The following NALF1 variants were observed in gnomAD, a reference collection of about 807,000 sequenced individuals.
NALF1 encodes family with sequence similarity 155 member A.
In NALF1, 3 loss-of-function variants were observed where a neutral mutation model predicts 48.4. The ratio of observed to expected loss-of-function variants is 0.06; its 90% confidence interval spans 0.03 to 0.16. NALF1 has a LOEUF of 0.16. Among genes scored for constraint, NALF1 ranks in the 10% least tolerant of loss-of-function variants. NALF1 has a pLI of 1.00. For missense variants in NALF1, 526 were observed against 571.5 expected (o/e 0.92, Z 0.81); for synonymous variants, 262 against 245.7 (o/e 1.07, Z -0.62).
At chr13:107,325,853 C>CTT (rs1882345304) in intron 1 of NALF1, among the ~76,000 whole-genome samples, 1 of 49,990 alleles carries the variant, frequency 2.0e-5, no homozygotes, top group Non-Finnish European at 4.0e-5. Flanking sequence ...CACACACACA[C>CTT]ACATATATAT....
chr13:107,701,490 T>C (rs1009241976), intron 1 of NALF1, among the ~76,000 whole-genome samples: 4 of 151,996 alleles, frequency 2.6e-5, no homozygotes, highest in Non-Finnish European at 5.9e-5. Flanking sequence ...GAATAAACTG[T>C]GGTTACCAGG....
chr13:107,667,087 AT>A (rs1880878596), intron 1 of NALF1, among the ~76,000 whole-genome samples: 1 of 152,042 alleles, frequency 6.6e-6, no homozygotes. Context: ...CATTTTTTAG[AT>A]TTTTATAGTT....
chr13:107,570,982 T>A (rs894977766), intron 1 of NALF1, among the ~76,000 whole-genome samples: 2 of 152,190 alleles, frequency 1.3e-5, no homozygotes, highest in African/African-American at 4.8e-5. Flanking sequence ...TTCTTATGAA[T>A]TGCTATGGCA....
chr13:107,468,160 C>T (rs565956003), intron 1 of NALF1, among the ~76,000 whole-genome samples: 2 of 152,132 alleles, frequency 1.3e-5, no homozygotes, highest in African/African-American at 2.4e-5. Context: ...TTGATTATCG[C>T]AAATAACAAA....
chr13:107,696,156 C>T (rs995995624), intron 1 of NALF1, among the ~76,000 whole-genome samples: 15 of 152,138 alleles, frequency 9.9e-5, no homozygotes, highest in South Asian at 6.2e-4. Context: ...CTTGGCCTCC[C>T]AAAGTGCTAG....
chr13:107,659,101 A>T (rs1224440274), intron 1 of NALF1, among the ~76,000 whole-genome samples: 1 of 132,668 alleles, frequency 7.5e-6, no homozygotes, highest in Non-Finnish European at 1.6e-5. Flanking sequence ...CAGCACTGAC[A>T]CACTGACACA....
chr13:107,250,195 T>C (rs1382867713), intron 1 of NALF1, among the ~76,000 whole-genome samples: 1 of 151,938 alleles, frequency 6.6e-6, no homozygotes, highest in Non-Finnish European at 1.5e-5. Context: ...CAAATTAGAA[T>C]TACATGCAAT....
intron 1 of NALF1, among the ~76,000 whole-genome samples, chr13:107,367,141 T>C (rs61967185): frequency 0.42 from 64,165 of 152,062 alleles, 14,016 homozygotes; most frequent in African/African-American, 0.53. Flanking sequence ...GTAAGCTGTA[T>C]GTGCTTACAC....
intron 1 of NALF1, among the ~76,000 whole-genome samples, chr13:107,410,963 G>C (rs1883979974): frequency 6.6e-6 from 1 of 152,140 alleles, no homozygotes; most frequent in African/African-American, 2.4e-5. Context: ...AGTAAGATTG[G>C]GGACTGGAGA....
chr13:107,502,894 A>C (rs150939306), intron 1 of NALF1, among the ~76,000 whole-genome samples: 1 of 152,182 alleles, frequency 6.6e-6, no homozygotes, highest in Non-Finnish European at 1.5e-5. Context: ...ATTTATGAAA[A>C]TGGCCATCAA....
At chr13:107,698,127 A>T (rs1444756032) in intron 1 of NALF1, among the ~76,000 whole-genome samples, 1 of 152,156 alleles carries the variant, frequency 6.6e-6, no homozygotes, top group Non-Finnish European at 1.5e-5. Flanking sequence ...TACTGATAGC[A>T]ATTACTTGCT....
At chr13:107,459,923 G>A (rs1884890420) in intron 1 of NALF1, among the ~76,000 whole-genome samples, 1 of 152,008 alleles carries the variant, frequency 6.6e-6, no homozygotes, top group Non-Finnish European at 1.5e-5. Context: ...TGTATTCTTT[G>A]TAGAGATGGG....
intron 1 of NALF1, among the ~76,000 whole-genome samples, chr13:107,304,136 G>C (rs979947561): frequency 6.6e-6 from 1 of 152,078 alleles, no homozygotes; most frequent in African/African-American, 2.4e-5. Flanking sequence ...TAATATTGTA[G>C]ATCTACATTC....
At chr13:107,191,493 C>A (rs1034977275) in intron 2 of NALF1, among the ~76,000 whole-genome samples, 11 of 152,082 alleles carry the variant, frequency 7.2e-5, no homozygotes, top group Non-Finnish European at 1.2e-4. Flanking sequence ...ACCTATTAAA[C>A]TGAGAAAATT....
At chr13:107,467,879 AAAAT>A (rs1210853276) in intron 1 of NALF1, among the ~76,000 whole-genome samples, 3 of 152,022 alleles carry the variant, frequency 2.0e-5, no homozygotes, top group Non-Finnish European at 4.4e-5. Context: ...TCTCTACAAA[AAAAT>A]AAATAAATAA....
intron 1 of NALF1, among the ~76,000 whole-genome samples, chr13:107,606,620 C>A (rs1261638009): frequency 1.3e-5 from 2 of 152,104 alleles, no homozygotes; most frequent in Non-Finnish European, 2.9e-5. Context: ...CCTGCCTCGG[C>A]CTTCCAAAGT....
In NALF1 at chr13:107,548,443, T is replaced by A. The variant is rs1281165124; in HGVS notation, c.915+317239A>T. Among the ~76,000 whole-genome samples, 3 of 152,132 alleles carry A rather than the reference T, an allele frequency of 2.0e-5. No individual in the cohort carries two copies. In the East Asian group the frequency reaches 5.8e-4, roughly 29 times the overall value. On this transcript the variant is annotated intron_variant, in intron 1 of 2. Coordinates refer to ENST00000375915, the MANE Select transcript of NALF1 (RefSeq NM_001080396.3). ...TGCTGAAAAAACATCTGCATGCATG[T>A]GTCTTTAGAATGATTCATATCCCTC...
chr13:107,263,916 C>T (rs1880986928), intron 1 of NALF1, among the ~76,000 whole-genome samples: 1 of 152,174 alleles, frequency 6.6e-6, no homozygotes, highest in African/African-American at 2.4e-5. Flanking sequence ...AATTGATACA[C>T]ACAGCTACCT....
At chr13:107,799,767 A>G (rs1878545458) in intron 1 of NALF1, among the ~76,000 whole-genome samples, 1 of 152,210 alleles carries the variant, frequency 6.6e-6, no homozygotes, top group Non-Finnish European at 1.5e-5. Context: ...GATGAAAGCA[A>G]AAGAGCAACC....
Sources: gnomAD v4.1 joint callset for allele counts (sites outside exome capture counted in the v4.1 genomes callset) on GRCh38, gnomAD v4.1.1 for gene constraint, MANE v1.5 for transcripts, NCBI Gene and HGNC (gene_info 2026-07-23, HGNC 2026-07-21) for gene names.